Variants in CAPRIN2 observed in about 807,000 individuals in gnomAD.
The protein encoded by CAPRIN2 is caprin family member 2.
Under a neutral mutation model 130.4 loss-of-function variants are expected in CAPRIN2, and 66 were observed. That is an observed-to-expected ratio of 0.51 (90% confidence interval 0.42 to 0.62). CAPRIN2 has a LOEUF of 0.62. CAPRIN2 is among the 20% of genes least tolerant of loss of function. The probability of loss-of-function intolerance (pLI) is 0.00; values close to 1 mark genes in which losing one functional copy is unlikely to be tolerated. For synonymous variants in CAPRIN2, 471 were observed against 444.1 expected (o/e 1.06, Z -0.76); for missense variants, 1,185 against 1,246.6 (o/e 0.95, Z 0.74).
chr12:30,720,171 C>T (rs960662681), intron 12 of CAPRIN2: 2 of 152,158 alleles, frequency 1.3e-5, no homozygotes, highest in African/African-American at 4.8e-5. Flanking sequence ...GCAACCCCCG[C>T]CTCCTGGGTT....
chr12:30,710,429 C>G lies in CAPRIN2; in HGVS notation c.2707G>C (p.Asp903His), dbSNP rs2053915691. The change falls in exon 17 of 17, where the codon GAC (aspartate) becomes CAC (histidine). Residue 903 changes from aspartate to histidine, a missense_variant. Coordinates refer to ENST00000298892, the Ensembl canonical transcript of CAPRIN2. This position sits in a 1 kb window ranked among gnomAD's most constrained non-coding sequence, Gnocchi z 4.8. ...TCACCACTGTTAAAGGTTTCGTTGT[C>G]TCTTTCTGGGCTGCTCACCTGAGAA... 6.2e-7 allele frequency: 1 copy of G among 1,614,166 alleles called. No individual in the cohort carries two copies. The highest frequency in any genetic ancestry group is 1.1e-5 in the South Asian group (1 of 91,076).
intron 5 of CAPRIN2, among the ~76,000 whole-genome samples, chr12:30,732,678 A>G (rs753591214): frequency 6.6e-6 from 1 of 152,050 alleles, no homozygotes; most frequent in Non-Finnish European, 1.5e-5. Flanking sequence ...TTCACTCAGC[A>G]TAATTATTTT....
intron 1 of CAPRIN2, among the ~76,000 whole-genome samples, chr12:30,752,186 C>T (rs566623357): frequency 2.2e-4 from 33 of 151,974 alleles, no homozygotes; most frequent in East Asian, 3.9e-4. Flanking sequence ...CCTCCCAAAG[C>T]GCAGGGATTA....
chr12:30,713,865 G>A lies in CAPRIN2; in HGVS notation c.2521C>T (p.Leu841Phe), dbSNP rs1322784499. The change falls in exon 15 of 17, where the codon CTC becomes TTC. Residue 841 changes from leucine (L) to phenylalanine (F), a missense_variant. Physicochemically the swap from Leu to Phe is conservative, Grantham distance 22. Transcript: ENST00000298892. Reference sequence around the variant, plus strand: ...TAATTTCCATTGGAAATTGAAGGGAGTCCTCTATAAGTATCAAAACCTAAT... The same window carrying A: ...TAATTTCCATTGGAAATTGAAGGGAATCCTCTATAAGTATCAAAACCTAAT... 3.1e-6 allele frequency: 5 copies of A among 1,603,472 alleles called. No individual in the cohort carries two copies. The South Asian group carries it at 3.3e-5, about 11-fold the overall frequency.
chr12:30,746,015 A>G (rs1235732063), intron 2 of CAPRIN2, among the ~76,000 whole-genome samples: 3 of 152,236 alleles, frequency 2.0e-5, no homozygotes, highest in Non-Finnish European at 2.9e-5. Context: ...AAAAACATAG[A>G]GCATATTTTC....
intron 3 of CAPRIN2, among the ~76,000 whole-genome samples, chr12:30,739,758 A>G (rs555270510): frequency 1.2e-4 from 18 of 152,124 alleles, no homozygotes; most frequent in African/African-American, 4.3e-4. Flanking sequence ...TCTGAGTCTC[A>G]GATTCCTGAT....
At chr12:30,747,246 T>A (rs1282561495) in intron 2 of CAPRIN2, among the ~76,000 whole-genome samples, 2 of 152,192 alleles carry the variant, frequency 1.3e-5, no homozygotes, top group Admixed American at 6.5e-5. Flanking sequence ...AAAATATTAA[T>A]GCTAATTGAC....
rs371128243 is a variant in CAPRIN2 at position 30,715,034 on chromosome 12, G to A, written c.2425C>T (p.Arg809Trp). The A allele has an allele frequency of 4.5e-5, 73 of 1,613,822 alleles. No individual in the cohort carries two copies. Among genetic ancestry groups the A allele is most frequent in the East Asian group, 3.8e-4 (17 of 44,876 alleles). ...CGAGTACATCCTCTAACAGATCCCC[G>A]GCTATTGACAAATGGCTGAGTAGGT... is the stretch of plus-strand genomic sequence containing the variant. Residue 809 changes from arginine to tryptophan, a missense_variant, in exon 14 of 17, where the codon CGG becomes TGG. Arg to Trp is a moderately radical substitution (Grantham distance 101). Coordinates refer to ENST00000298892, the Ensembl canonical transcript of CAPRIN2.
At chr12:30,717,712 A>G (rs1246786227) in intron 12 of CAPRIN2, among the ~76,000 whole-genome samples, 1 of 152,176 alleles carries the variant, frequency 6.6e-6, no homozygotes, top group African/African-American at 2.4e-5. Flanking sequence ...AAAGCTATAC[A>G]AGGGTAAGGG....
At chr12:30,716,664 T>C (rs1328603844) in exon 13 of CAPRIN2, 1 of 1,613,744 alleles carries the variant, frequency 6.2e-7, no homozygotes, top group South Asian at 1.1e-5. Flanking sequence ...AGAGGTGCAT[T>C]AACGTTAAAT....
At chr12:30,723,783 C>T (rs1194050023) in intron 10 of CAPRIN2, among the ~76,000 whole-genome samples, 1 of 152,084 alleles carries the variant, frequency 6.6e-6, no homozygotes, top group Non-Finnish European at 1.5e-5. Flanking sequence ...TAATATCCAT[C>T]ACTTTTATTA....
In CAPRIN2 at chr12:30,731,199, C is replaced by T. The variant is rs901925423; in HGVS notation, c.1060+144G>A. 1.3e-5 allele frequency: 7 copies of T among 525,966 alleles called. No homozygotes were observed. The South Asian group carries it at 2.5e-4, about 19-fold the overall frequency. The allele number at this position is 525,966 out of a possible 1,614,324, so 32.6% of individuals were successfully genotyped here. A position where few individuals can be genotyped will look rare whatever the true frequency, so the allele number is the denominator to read the frequency against. Reference sequence around the variant, plus strand: ...TAAAGCCTAGAGATGTTTTATAAACCTAGGTTTATCCTGTGGTAAGTAAAG... The same window carrying T: ...TAAAGCCTAGAGATGTTTTATAAACTTAGGTTTATCCTGTGGTAAGTAAAG... On this transcript the variant is annotated intron_variant, in intron 6 of 16. Transcript: ENST00000298892.
At chr12:30,726,111 G>GT in intron 8 of CAPRIN2, 23 bp from the exon 10 acceptor site, 1 of 1,400,824 alleles carries the variant, frequency 7.1e-7, no homozygotes, top group African/African-American at 1.5e-5. Context: ...CCCATAATGT[G>GT]TAAGAGTGAA....
intron 2 of CAPRIN2, among the ~76,000 whole-genome samples, chr12:30,750,340 T>C (rs1254187520): frequency 6.6e-6 from 1 of 152,100 alleles, no homozygotes; most frequent in Non-Finnish European, 1.5e-5. Flanking sequence ...GAGGAAATAA[T>C]TTTCAAATAA....
At chr12:30,712,722 T>C (rs1456158973) in intron 15 of CAPRIN2, among the ~76,000 whole-genome samples, 4 of 145,182 alleles carry the variant, frequency 2.8e-5, no homozygotes, top group African/African-American at 1.0e-4. Context: ...GATTCCAAGA[T>C]GTTTTCCACT....
chr12:30,709,904 A>C, exon 17 of CAPRIN2: 1 of 1,604,022 alleles, frequency 6.2e-7, no homozygotes, highest in Non-Finnish European at 8.5e-7. Context: ...ACTGACTTTC[A>C]ATCTTGATAA....
At chr12:30,753,938 C>T in exon 1 of CAPRIN2, 1 of 612,980 alleles carries the variant, frequency 1.6e-6, no homozygotes, top group Non-Finnish European at 2.8e-6. Context: ...TAAATAATTC[C>T]CATGGCCACG....
chr12:30,742,175 C>A (rs940066338), intron 2 of CAPRIN2, among the ~76,000 whole-genome samples: 4 of 152,040 alleles, frequency 2.6e-5, no homozygotes, highest in African/African-American at 9.7e-5. Context: ...TTCGATAACT[C>A]TACAAATTTA....
intron 15 of CAPRIN2, among the ~76,000 whole-genome samples, 154 bp downstream of exon 17, chr12:30,713,629 CTT>C: frequency 6.6e-6 from 1 of 152,190 alleles, no homozygotes; most frequent in East Asian, 1.9e-4. Flanking sequence ...ATTGCAAAAA[CTT>C]CCAACTCAAC....
Sources: allele counts gnomAD v4.1 joint callset (sites outside exome capture counted in the v4.1 genomes callset), GRCh38; gene constraint gnomAD v4.1.1; non-coding constraint Gnocchi (gnomAD v3.1); transcripts MANE v1.5; gene names NCBI Gene and HGNC (gene_info 2026-07-23, HGNC 2026-07-21).